KCNU1: variants seen among roughly 807,000 people sequenced by gnomAD.
KCNU1 encodes potassium calcium-activated channel subfamily U member 1.
In KCNU1, 93 loss-of-function variants were observed where a neutral mutation model predicts 126.8. The observed-to-expected ratio is 0.73, with a 90% confidence interval of 0.62 to 0.87. The LOEUF (loss-of-function observed/expected upper bound fraction) is 0.87. KCNU1 is among the 40% of genes least tolerant of loss of function. KCNU1 has a pLI of 0.00. For synonymous variants in KCNU1, 523 were observed against 494.2 expected (o/e 1.06, Z -0.77); for missense variants, 1,330 against 1,367.1 (o/e 0.97, Z 0.43).
In KCNU1 at chr8:36,820,768, T is replaced by G. The variant is rs370890208; in HGVS notation, c.1106+3008T>G. On this transcript the variant is annotated intron_variant, in intron 10 of 26. Coordinates refer to ENST00000399881, the MANE Select transcript of KCNU1 (RefSeq NM_001031836.3). The stretch of plus-strand genomic sequence containing the variant: ...AGGGTGCAATCTATAACATTTGACT[T>G]CAAGGTCAAAATTGAATCAAGGATG... 1.8e-4 allele frequency among the ~76,000 whole-genome samples: 28 copies of G among 152,198 alleles called. No individual in the cohort carries two copies. In the South Asian group the frequency reaches 5.2e-3, roughly 28 times the overall value.
intron 1 of KCNU1, among the ~76,000 whole-genome samples, chr8:36,785,907 G>A (rs1164518616): frequency 3.9e-5 from 6 of 152,028 alleles, no homozygotes; most frequent in Non-Finnish European, 8.8e-5. Flanking sequence ...CTTCGATCCA[G>A]GTATACCCTT....
At chr8:36,822,604 A>G (rs1248567951) in intron 10 of KCNU1, among the ~76,000 whole-genome samples, 1 of 152,196 alleles carries the variant, frequency 6.6e-6, no homozygotes, top group Non-Finnish European at 1.5e-5. Flanking sequence ...AGTATCTAAC[A>G]TATTACTCTA....
At chr8:36,916,727 C>T (rs1248712173) in intron 22 of KCNU1, among the ~76,000 whole-genome samples, 1 of 152,156 alleles carries the variant, frequency 6.6e-6, no homozygotes, top group African/African-American at 2.4e-5. Context: ...CTCTGAGCTT[C>T]CATTTCCTCA....
chr8:36,916,151 G>A (rs1808095896), intron 22 of KCNU1, among the ~76,000 whole-genome samples: 1 of 146,892 alleles, frequency 6.8e-6, no homozygotes, highest in Admixed American at 6.9e-5. Context: ...GAAGGGAAAA[G>A]AAGGGAGGGG....
intron 19 of KCNU1, among the ~76,000 whole-genome samples, chr8:36,872,659 A>C (rs1806144873): frequency 6.6e-6 from 1 of 152,212 alleles, no homozygotes; most frequent in African/African-American, 2.4e-5. Context: ...AAATGCTAGC[A>C]ATTATCACTA....
intron 2 of KCNU1, among the ~76,000 whole-genome samples, chr8:36,791,502 T>A (rs1802899549): frequency 6.6e-6 from 1 of 152,200 alleles, no homozygotes; most frequent in East Asian, 1.9e-4. Context: ...ATTTTGTGTT[T>A]TTGTATTCTG....
chr8:36,871,152 T>C (rs1489576820), intron 19 of KCNU1, among the ~76,000 whole-genome samples: 1 of 152,110 alleles, frequency 6.6e-6, no homozygotes, highest in East Asian at 1.9e-4. Flanking sequence ...AGAGGTAGGA[T>C]TGAAAATATA....
chr8:36,840,876 A>AT, intron 15 of KCNU1, 56 bp from the exon 16 acceptor site: 2 of 1,190,184 alleles, frequency 1.7e-6, no homozygotes, highest in East Asian at 4.7e-5. Flanking sequence ...AGTGTTAGTT[A>AT]TTTTGTTGTT....
chr8:36,888,824 A>G (rs1299502636), intron 19 of KCNU1: 2 of 509,034 alleles, frequency 3.9e-6, no homozygotes. Flanking sequence ...ACTTTTTATA[A>G]CAGGAATGAA....
intron 2 of KCNU1, among the ~76,000 whole-genome samples, chr8:36,798,951 A>G (rs1056027403): frequency 6.6e-6 from 1 of 152,050 alleles, no homozygotes; most frequent in East Asian, 1.9e-4. Flanking sequence ...ACAGAATTTG[A>G]CTCTTATCGT....
intron 10 of KCNU1, among the ~76,000 whole-genome samples, chr8:36,818,945 A>C (rs1804025229): frequency 6.6e-6 from 1 of 152,210 alleles, no homozygotes; most frequent in African/African-American, 2.4e-5. Flanking sequence ...GTAAAAACAA[A>C]GAGTACTAAA....
chr8:36,790,734 G>T (rs1389863065), intron 2 of KCNU1, among the ~76,000 whole-genome samples: 1 of 151,922 alleles, frequency 6.6e-6, no homozygotes, highest in Non-Finnish European at 1.5e-5. Flanking sequence ...TGAGAGACTT[G>T]GATGATTTCA....
chr8:36,895,553 G>GA (rs1807156506), intron 19 of KCNU1, among the ~76,000 whole-genome samples: 1 of 152,042 alleles, frequency 6.6e-6, no homozygotes, highest in Admixed American at 6.6e-5. Context: ...GCTAACATGT[G>GA]AAACTTATAC....
Position 36,784,581 on chromosome 8 carries a change from C to G in KCNU1, c.171C>G (p.Ile57Met), listed in dbSNP as rs1212819684. ...LIWRSVKKWQ[I>M]IKGTGIILEL... is the part of the protein sequence containing the mutation. ...GGAGATCTGTTAAAAAATGGCAAAT[C>G]ATCAAGGGAACAGGAATTATCTTGG... The change falls in exon 1 of 27, where the codon ATC becomes ATG. Residue 57 changes from isoleucine to methionine, a missense_variant. Physicochemically the swap from Ile to Met is conservative, Grantham distance 10. Transcript: ENST00000399881. The G allele has an allele frequency of 6.2e-7, 1 of 1,612,952 alleles. No homozygotes were observed.
At chr8:36,876,529 C>G (rs1014386105) in intron 19 of KCNU1, among the ~76,000 whole-genome samples, 4 of 152,130 alleles carry the variant, frequency 2.6e-5, no homozygotes, top group African/African-American at 9.7e-5. Flanking sequence ...TCTATCTTCC[C>G]ATCTAGAACC....
At chr8:36,816,946 A>G (rs768894636) in intron 9 of KCNU1, among the ~76,000 whole-genome samples, 20 of 81,750 alleles carry the variant, frequency 2.4e-4, no homozygotes, top group Non-Finnish European at 3.9e-4. Context: ...AAAAAAACAA[A>G]CAACAACAAC....
intron 19 of KCNU1, among the ~76,000 whole-genome samples, chr8:36,896,392 G>C (rs1016245313): frequency 6.6e-6 from 1 of 152,000 alleles, no homozygotes; most frequent in Admixed American, 6.6e-5. Context: ...AATTTGATAA[G>C]AGCAATAATT....
intron 24 of KCNU1, chr8:36,929,150 G>C (rs1054315617): frequency 1.7e-6 from 1 of 574,130 alleles, no homozygotes; most frequent in Non-Finnish European, 3.1e-6. Flanking sequence ...GGGAGGCCAA[G>C]GTAGGTGGAT....
intron 18 of KCNU1, among the ~76,000 whole-genome samples, chr8:36,861,398 C>T (rs970942166): frequency 9.2e-5 from 14 of 152,074 alleles, no homozygotes; most frequent in African/African-American, 3.4e-4. Context: ...ACTTGGTCTC[C>T]CTGGCTCTGG....
Sources: allele counts gnomAD v4.1 joint callset (sites outside exome capture counted in the v4.1 genomes callset), GRCh38; gene constraint gnomAD v4.1.1; transcripts MANE v1.5; gene names NCBI Gene and HGNC (gene_info 2026-07-23, HGNC 2026-07-21).